ARHGAP15: variants seen among roughly 807,000 people sequenced by gnomAD.
ARHGAP15 encodes Rho GTPase activating protein 15.
A neutral mutation model predicts 63.7 loss-of-function variants in ARHGAP15; 51 were observed. That is an observed-to-expected ratio of 0.80 (90% confidence interval 0.64 to 1.01). The LOEUF is 1.01. ARHGAP15 is among the 50% of genes least tolerant of loss of function. The pLI is 0.00. For missense variants in ARHGAP15, 560 were observed against 564.6 expected (o/e 0.99, Z 0.08); for synonymous variants, 191 against 193.8 (o/e 0.99, Z 0.12).
chr2:143,138,112 C>A (rs1396813930), intron 1 of ARHGAP15, among the ~76,000 whole-genome samples: 1 of 152,060 alleles, frequency 6.6e-6, no homozygotes, highest in Non-Finnish European at 1.5e-5. Context: ...AGAAATTCAT[C>A]AATATAAATT....
intron 1 of ARHGAP15, among the ~76,000 whole-genome samples, chr2:143,148,681 A>G (rs1689689631): frequency 6.6e-6 from 1 of 152,094 alleles, no homozygotes; most frequent in Non-Finnish European, 1.5e-5. Flanking sequence ...TTTCCTATAT[A>G]TAACACCTGC....
chr2:143,250,561 A>C lies in ARHGAP15; in HGVS notation c.435A>C (p.Glu145Asp), dbSNP rs748592800. The C allele has an allele frequency of 4.7e-5, 76 of 1,613,364 alleles. No individual in the cohort carries two copies. Among genetic ancestry groups the C allele is most frequent in the Non-Finnish European group, 6.0e-5 (71 of 1,179,528 alleles). The change falls in exon 6 of 14, where the codon GAA (glutamate) becomes GAC (aspartate). Residue 145 changes from glutamate to aspartate, a missense_variant. By Grantham distance (45) the Glu-to-Asp change is conservative. Coordinates refer to ENST00000295095, the MANE Select transcript of ARHGAP15 (RefSeq NM_018460.4). ...ESVDLCGAHIEWAKEKSSRKN... is the reference protein window; with the variant it reads ...ESVDLCGAHIDWAKEKSSRKN... Reference sequence around the variant, plus strand: ...TGGATTTGTGTGGAGCACACATTGAATGGGCCAAGGAAAAATCGAGCAGAA... The same window carrying C: ...TGGATTTGTGTGGAGCACACATTGACTGGGCCAAGGAAAAATCGAGCAGAA...
At chr2:143,504,785 G>C (rs1693229751) in intron 9 of ARHGAP15, among the ~76,000 whole-genome samples, 1 of 152,140 alleles carries the variant, frequency 6.6e-6, no homozygotes, top group African/African-American at 2.4e-5. Context: ...TACCTTGGCT[G>C]TGCAGCCAGC....
chr2:143,259,640 A>G (rs1319410514), intron 6 of ARHGAP15, among the ~76,000 whole-genome samples: 1 of 152,206 alleles, frequency 6.6e-6, no homozygotes, highest in Non-Finnish European at 1.5e-5. Context: ...AGGTATTTAA[A>G]GAAGAGCTTT....
intron 12 of ARHGAP15, among the ~76,000 whole-genome samples, chr2:143,663,387 G>T (rs1448220992): frequency 1.3e-5 from 2 of 149,388 alleles, no homozygotes; most frequent in African/African-American, 4.9e-5. Context: ...TCACCACCAG[G>T]CCTGCCCTAA....
intron 11 of ARHGAP15, among the ~76,000 whole-genome samples, chr2:143,560,945 G>A (rs1454102399): frequency 1.3e-5 from 2 of 152,150 alleles, no homozygotes; most frequent in African/African-American, 2.4e-5. Flanking sequence ...CAGCTCTTCT[G>A]CTTTGTGAAG....
intron 6 of ARHGAP15, among the ~76,000 whole-genome samples, chr2:143,266,106 G>C (rs186984897): frequency 6.6e-6 from 1 of 152,038 alleles, no homozygotes; most frequent in East Asian, 1.9e-4. Context: ...TAGAGCTCCA[G>C]AAACTTGGAA....
chr2:143,241,327 T>C (rs1159337116), intron 5 of ARHGAP15, among the ~76,000 whole-genome samples: 1 of 152,208 alleles, frequency 6.6e-6, no homozygotes, highest in Non-Finnish European at 1.5e-5. Flanking sequence ...TTCACATATT[T>C]ATTGGCTATC....
intron 6 of ARHGAP15, among the ~76,000 whole-genome samples, chr2:143,394,273 G>A (rs1687666477): frequency 6.6e-6 from 1 of 152,162 alleles, no homozygotes; most frequent in South Asian, 2.1e-4. Context: ...ATGCTAGTCT[G>A]TGAAAGAGAG....
intron 12 of ARHGAP15, among the ~76,000 whole-genome samples, chr2:143,653,831 A>G (rs891162470): frequency 1.3e-5 from 2 of 152,144 alleles, no homozygotes; most frequent in African/African-American, 4.8e-5. Context: ...CCTGGCATAT[A>G]ATAGGTGCCA....
intron 5 of ARHGAP15, among the ~76,000 whole-genome samples, chr2:143,233,025 C>T (rs1446363292): frequency 2.6e-5 from 4 of 152,250 alleles, no homozygotes; most frequent in East Asian, 1.9e-4. Flanking sequence ...CCTTTACCTT[C>T]TACTAAGATG....
intron 4 of ARHGAP15, among the ~76,000 whole-genome samples, chr2:143,221,526 T>A (rs1692997269): frequency 2.0e-5 from 3 of 152,208 alleles, no homozygotes; most frequent in Non-Finnish European, 4.4e-5. Flanking sequence ...CCATAGGAAT[T>A]TCTTCATTTG....
intron 8 of ARHGAP15, among the ~76,000 whole-genome samples, chr2:143,452,855 T>C (rs955955598): frequency 1.2e-4 from 18 of 152,116 alleles, no homozygotes; most frequent in Admixed American, 2.0e-4. Flanking sequence ...AATATTGGGA[T>C]GATATAGTAG....
intron 4 of ARHGAP15, among the ~76,000 whole-genome samples, chr2:143,227,624 A>G (rs1693264068): frequency 6.6e-6 from 1 of 152,222 alleles, no homozygotes; most frequent in Non-Finnish European, 1.5e-5. Context: ...ATAGCACAGC[A>G]CGGTTATAAA....
chr2:143,464,160 T>A (rs2105167613), intron 8 of ARHGAP15, among the ~76,000 whole-genome samples: 1 of 152,318 alleles, frequency 6.6e-6, no homozygotes, highest in East Asian at 1.9e-4. Context: ...AGCTTTGAAT[T>A]GGTAAGGCTG....
At chr2:143,686,303 G>A (rs1683338841) in intron 12 of ARHGAP15, among the ~76,000 whole-genome samples, 1 of 142,258 alleles carries the variant, frequency 7.0e-6, no homozygotes, top group Non-Finnish European at 1.5e-5. Context: ...AGAATCGCTT[G>A]AACCCTGGAG....
At chr2:143,472,773 T>C (rs961607989) in intron 8 of ARHGAP15, among the ~76,000 whole-genome samples, 1 of 152,066 alleles carries the variant, frequency 6.6e-6, no homozygotes, top group Non-Finnish European at 1.5e-5. Context: ...CACTGTGATA[T>C]TGTACATCAT....
intron 9 of ARHGAP15, among the ~76,000 whole-genome samples, chr2:143,518,152 A>C (rs1465456484): frequency 4.6e-5 from 7 of 152,236 alleles, no homozygotes; most frequent in Non-Finnish European, 8.8e-5. Context: ...GGTACATTTA[A>C]AAATGGTGGA....
At chr2:143,178,566 G>T (rs532531165) in intron 2 of ARHGAP15, among the ~76,000 whole-genome samples, 1 of 152,218 alleles carries the variant, frequency 6.6e-6, no homozygotes, top group South Asian at 2.1e-4. Context: ...ATTTGGGGTT[G>T]TTATAAACCT....
Sources: allele counts gnomAD v4.1 joint callset (sites outside exome capture counted in the v4.1 genomes callset), GRCh38; gene constraint gnomAD v4.1.1; transcripts MANE v1.5; gene names NCBI Gene and HGNC (gene_info 2026-07-23, HGNC 2026-07-21).